The following SEMA3E variants were observed in gnomAD, a reference collection of about 807,000 sequenced individuals.
SEMA3E encodes the protein semaphorin 3E, also known as semaphorin-3E.
In SEMA3E, 49 loss-of-function variants were observed where a neutral mutation model predicts 93.6. The observed-to-expected ratio is 0.52, with a 90% CI of 0.42 to 0.66. The LOEUF (loss-of-function observed/expected upper bound fraction) is 0.66, where lower values mean the gene tolerates loss of function less well. Ranked by LOEUF, SEMA3E falls within the 30% of genes least tolerant of loss-of-function variation. SEMA3E has a pLI of 0.00. For synonymous variants in SEMA3E, 363 were observed against 330.7 expected, an observed-to-expected ratio of 1.10 and a Z score of -1.06; for missense variants, 906 against 964.8, an observed-to-expected ratio of 0.94 and a Z score of 0.81.
chr7:83,519,216 G>A (rs1272938756), intron 1 of SEMA3E, among the ~76,000 whole-genome samples: 2 of 150,864 alleles, frequency 1.3e-5, no homozygotes, highest in Non-Finnish European at 2.9e-5. Flanking sequence ...GTGAGAATAT[G>A]CGGTGTTTGG....
intron 1 of SEMA3E, among the ~76,000 whole-genome samples, chr7:83,525,548 T>C (rs1791138375): frequency 6.6e-6 from 1 of 151,882 alleles, no homozygotes; most frequent in African/African-American, 2.4e-5. Context: ...TTTTTCATCA[T>C]TTCCCCCTAC....
rs1357567479 is a variant in SEMA3E, at chr7:83,365,561, T to C, written c.*2025A>G. The C allele has an allele frequency of 6.6e-6, 1 of 152,212 alleles. No homozygotes were observed. Among genetic ancestry groups the C allele is most frequent in the Non-Finnish European group, 1.5e-5 (1 of 68,020 alleles). The allele number at this position is 152,212 out of a possible 1,614,324, so 9.4% of individuals were successfully genotyped here. ...CAGTATATGGACTTCTTATGACTTG[T>C]GTCATAGAAAAGCTATTTTCCTCTG... On this transcript the variant is annotated 3_prime_UTR_variant, in exon 17 of 17. Transcript: ENST00000643230.
At chr7:83,485,388 A>G (rs1037956430) in intron 2 of SEMA3E, among the ~76,000 whole-genome samples, 2 of 152,212 alleles carry the variant, frequency 1.3e-5, no homozygotes, top group Non-Finnish European at 2.9e-5. Flanking sequence ...TAGGGACACA[A>G]AGGGATTTAG....
intron 1 of SEMA3E, among the ~76,000 whole-genome samples, chr7:83,605,144 C>T (rs1294241039): frequency 1.3e-5 from 2 of 152,158 alleles, no homozygotes; most frequent in Non-Finnish European, 2.9e-5. Flanking sequence ...TGGGTACATA[C>T]CCAGTAATGG....
intron 2 of SEMA3E, among the ~76,000 whole-genome samples, chr7:83,486,622 C>A (rs1421200601): frequency 6.6e-6 from 1 of 151,892 alleles, no homozygotes; most frequent in Non-Finnish European, 1.5e-5. Context: ...TAAAAGCAGC[C>A]TCAGAGGGCA....
At chr7:83,385,085 T>C (rs1787851222) in intron 16 of SEMA3E, among the ~76,000 whole-genome samples, 1 of 150,220 alleles carries the variant, frequency 6.7e-6, no homozygotes, top group African/African-American at 2.4e-5. Flanking sequence ...TATATATTTA[T>C]ATAGTATATG....
chr7:83,573,934 A>C (rs1792346420), intron 1 of SEMA3E, among the ~76,000 whole-genome samples: 1 of 152,024 alleles, frequency 6.6e-6, no homozygotes, highest in Non-Finnish European at 1.5e-5. Flanking sequence ...CTAGCTACTG[A>C]AAATCATTTA....
At chr7:83,383,907 C>G (rs1316987754) in intron 16 of SEMA3E, among the ~76,000 whole-genome samples, 1 of 151,900 alleles carries the variant, frequency 6.6e-6, no homozygotes, top group African/African-American at 2.4e-5. Context: ...AAGGGAATTA[C>G]AAGGAATTTA....
intron 1 of SEMA3E, among the ~76,000 whole-genome samples, chr7:83,623,151 T>C (rs1305280412): frequency 6.6e-6 from 1 of 152,098 alleles, no homozygotes; most frequent in African/African-American, 2.4e-5. Flanking sequence ...AATTTTATTT[T>C]AGGAATTCAT....
At chr7:83,449,861 A>C (rs1018039572) in intron 4 of SEMA3E, among the ~76,000 whole-genome samples, 2 of 152,178 alleles carry the variant, frequency 1.3e-5, no homozygotes, top group Admixed American at 1.3e-4. Flanking sequence ...CATAAAAAGA[A>C]TTATCTTTCA....
chr7:83,521,227 TC>T (rs1004653234), intron 1 of SEMA3E, among the ~76,000 whole-genome samples: 1 of 152,000 alleles, frequency 6.6e-6, no homozygotes, highest in African/African-American at 2.4e-5. Flanking sequence ...GACCAGACTC[TC>T]CCAGGATGCA....
intron 12 of SEMA3E, 50 bp from the exon 13 acceptor site, chr7:83,394,388 T>C: frequency 2.0e-6 from 3 of 1,474,748 alleles, no homozygotes; most frequent in Non-Finnish European, 1.9e-6. Flanking sequence ...ATAAAAACAT[T>C]TACCTTAATA....
chr7:83,604,353 A>G (rs1256042171), intron 1 of SEMA3E, among the ~76,000 whole-genome samples: 1 of 151,822 alleles, frequency 6.6e-6, no homozygotes, highest in African/African-American at 2.4e-5. Context: ...GAATGTTAAA[A>G]GTCTCTGACT....
At chr7:83,467,005 AT>A (rs1789777435) in intron 3 of SEMA3E, among the ~76,000 whole-genome samples, 2 of 151,960 alleles carry the variant, frequency 1.3e-5, no homozygotes, top group African/African-American at 4.8e-5. Flanking sequence ...GCATAAAGTC[AT>A]TAAAACCAAA....
chr7:83,583,785 A>T (rs1269753943), intron 1 of SEMA3E, among the ~76,000 whole-genome samples: 1 of 152,156 alleles, frequency 6.6e-6, no homozygotes, highest in East Asian at 1.9e-4. Context: ...AAAAAGATAC[A>T]TTCAAGAAGA....
chr7:83,639,719 T>C lies in SEMA3E; in HGVS notation c.115+8709A>G, dbSNP rs149670687. On this transcript the variant is annotated intron_variant, in intron 1 of 16. Transcript: ENST00000643230. ...GAAGTGTTCATTAGTCCCTTTATAA[T>C]GATGAGGAAAGGAAGCCTCAGTTCG... Among the ~76,000 whole-genome samples, 39 of 150,578 alleles carry C rather than the reference T, an allele frequency of 2.6e-4. No individual in the cohort carries two copies. The East Asian group carries it at 7.2e-3, about 28-fold the overall frequency.
At chr7:83,480,713 G>A (rs978070942) in intron 2 of SEMA3E, among the ~76,000 whole-genome samples, 1 of 151,810 alleles carries the variant, frequency 6.6e-6, no homozygotes, top group Non-Finnish European at 1.5e-5. Flanking sequence ...ATCTATTTAA[G>A]TCTTCTTAGA....
At chr7:83,428,877 A>G (rs1035634238) in intron 4 of SEMA3E, among the ~76,000 whole-genome samples, 1 of 152,148 alleles carries the variant, frequency 6.6e-6, no homozygotes, top group Non-Finnish European at 1.5e-5. Context: ...ATTTTCCACA[A>G]ATATTATTTT....
chr7:83,611,315 A>AT lies in SEMA3E; in HGVS notation c.115+37112dup, dbSNP rs1279642822. Among the ~76,000 whole-genome samples, 7 of 144,252 alleles carry AT rather than the reference A, an allele frequency of 4.9e-5. No homozygotes were observed. In the East Asian group the frequency reaches 5.9e-4, roughly 12 times the overall value. 94.6% of individuals were successfully genotyped at this position (144,252 alleles called of 152,430 possible). On this transcript the variant is annotated intron_variant, in intron 1 of 16. Coordinates refer to ENST00000643230, the MANE Select transcript of SEMA3E (RefSeq NM_012431.3). ...ATTTATATATTATATATATAAATTT[A>AT]TGTATAATATATAAATTTATATATT...
Sources: allele counts gnomAD v4.1 joint callset (sites outside exome capture counted in the v4.1 genomes callset), GRCh38; gene constraint gnomAD v4.1.1; transcripts MANE v1.5; gene names NCBI Gene and HGNC (gene_info 2026-07-23, HGNC 2026-07-21).